The following TRABD2B variants were observed in gnomAD, a reference collection of about 807,000 sequenced individuals.
TRABD2B encodes TraB domain containing 2B, also known as metalloprotease TIKI2.
A neutral mutation model predicts 40.1 loss-of-function variants in TRABD2B; 14 were observed. The ratio of observed to expected loss-of-function variants is 0.35; its 90% CI spans 0.23 to 0.55. The LOEUF (loss-of-function observed/expected upper bound fraction) is 0.55. Among genes scored for constraint, TRABD2B ranks in the 20% least tolerant of loss-of-function variants. The pLI is 0.90. For missense variants in TRABD2B, 541 were observed against 648.6 expected (o/e 0.83, Z 1.80); for synonymous variants, 263 against 277.0 (o/e 0.95, Z 0.50).
chr1:47,858,331 C>T (rs941154374), intron 2 of TRABD2B, among the ~76,000 whole-genome samples: 1 of 151,822 alleles, frequency 6.6e-6, no homozygotes, highest in African/African-American at 2.4e-5. Context: ...AATCACAGCT[C>T]ACTGCAACCT....
chr1:47,834,559 T>C (rs1368942029), intron 2 of TRABD2B, among the ~76,000 whole-genome samples: 1 of 140,228 alleles, frequency 7.1e-6, no homozygotes, highest in Non-Finnish European at 1.5e-5. Context: ...AAGGATGTGC[T>C]CCAACACACA....
chr1:47,786,840 T>C (rs1184446762), intron 4 of TRABD2B, among the ~76,000 whole-genome samples: 1 of 152,134 alleles, frequency 6.6e-6, no homozygotes, highest in Non-Finnish European at 1.5e-5. Flanking sequence ...TCTGGGACTA[T>C]AGGCATGCAT....
At chr1:47,795,659 G>T in intron 3 of TRABD2B, 4 of 985,256 alleles carry the variant, frequency 4.1e-6, no homozygotes, top group Non-Finnish European at 3.6e-6. Context: ...GCTGTCATGG[G>T]CTACATTCAG....
In TRABD2B at chr1:47,984,391, G is replaced by C. The variant is rs182305188; in HGVS notation, c.666+9643C>G. ...GCTCTTTTAGGAAACGTGCACTTGC[G>C]CTCGCGGAGGCCAGGCCAGAGAGGC... On this transcript the variant is annotated intron_variant, in intron 2 of 6. Coordinates refer to ENST00000606738, the MANE Select transcript of TRABD2B (RefSeq NM_001194986.2). 1.2e-3 allele frequency among the ~76,000 whole-genome samples: 181 copies of C among 152,346 alleles called. 1 individual carries two copies. Among genetic ancestry groups the C allele is most frequent in the Non-Finnish European group, 2.1e-3 (142 of 68,028 alleles).
chr1:47,955,187 C>T (rs1645400771), intron 2 of TRABD2B, among the ~76,000 whole-genome samples: 1 of 152,192 alleles, frequency 6.6e-6, no homozygotes, highest in African/African-American at 2.4e-5. Flanking sequence ...TCTCCCATCT[C>T]TCCTTTCCTC....
intron 2 of TRABD2B, among the ~76,000 whole-genome samples, chr1:47,887,572 G>A (rs1644387042): frequency 6.6e-6 from 1 of 151,908 alleles, no homozygotes; most frequent in African/African-American, 2.4e-5. Flanking sequence ...AAAGTCCTGG[G>A]GTGGGGGCCG....
intron 4 of TRABD2B, among the ~76,000 whole-genome samples, chr1:47,791,740 A>G (rs1644676211): frequency 6.6e-6 from 1 of 152,208 alleles, no homozygotes; most frequent in Admixed American, 6.5e-5. Context: ...TTACATGATC[A>G]TAAGAATGTA....
chr1:47,850,131 T>C (rs1052649493), intron 2 of TRABD2B, among the ~76,000 whole-genome samples: 5 of 152,200 alleles, frequency 3.3e-5, no homozygotes, highest in African/African-American at 4.8e-5. Context: ...GGGGCCTGCA[T>C]AGGAGGTGTG....
chr1:47,799,687 T>C (rs1644794292), intron 3 of TRABD2B, among the ~76,000 whole-genome samples: 1 of 152,076 alleles, frequency 6.6e-6, no homozygotes, highest in Non-Finnish European at 1.5e-5. Flanking sequence ...CTGCAGGCTA[T>C]ACTCTCAGCA....
At chr1:47,929,782 C>G (rs1645015675) in intron 2 of TRABD2B, among the ~76,000 whole-genome samples, 1 of 152,174 alleles carries the variant, frequency 6.6e-6, no homozygotes, top group South Asian at 2.1e-4. Context: ...CACACTAAAC[C>G]TGGTGTGGAC....
chr1:47,781,512 C>T (rs1371763914), intron 4 of TRABD2B, among the ~76,000 whole-genome samples: 1 of 152,238 alleles, frequency 6.6e-6, no homozygotes, highest in African/African-American at 2.4e-5. Context: ...GTCCACGTGT[C>T]TGGCCGGCGT....
intron 2 of TRABD2B, among the ~76,000 whole-genome samples, chr1:47,825,420 A>G (rs1012164546): frequency 7.2e-5 from 11 of 152,180 alleles, no homozygotes; most frequent in African/African-American, 2.7e-4. Flanking sequence ...GAAAAGCCAA[A>G]TAACAACTCA....
intron 2 of TRABD2B, among the ~76,000 whole-genome samples, chr1:47,809,418 A>G (rs532782905): frequency 2.7e-4 from 41 of 151,900 alleles, no homozygotes; most frequent in Non-Finnish European, 5.0e-4. Flanking sequence ...CCGTCACAGG[A>G]CCCCCACCCT....
chr1:47,845,096 G>C (rs1198879560), intron 2 of TRABD2B, among the ~76,000 whole-genome samples: 1 of 152,112 alleles, frequency 6.6e-6, no homozygotes, highest in East Asian at 1.9e-4. Flanking sequence ...TCCAGACGCT[G>C]GTCAGGTGCG....
intron 2 of TRABD2B, among the ~76,000 whole-genome samples, chr1:47,988,213 G>A (rs1570422974): frequency 6.6e-6 from 1 of 152,128 alleles, no homozygotes; most frequent in Admixed American, 6.5e-5. Context: ...CAACCAAAAG[G>A]GGAAGAAAGA....
chr1:47,833,283 AG>A (rs1645274260), intron 2 of TRABD2B, among the ~76,000 whole-genome samples: 1 of 152,212 alleles, frequency 6.6e-6, no homozygotes, highest in African/African-American at 2.4e-5. Context: ...CTTAGGTAGC[AG>A]GGGAAAGGAC....
intron 2 of TRABD2B, among the ~76,000 whole-genome samples, chr1:47,844,342 T>TACG (rs1474208824): frequency 6.6e-6 from 1 of 152,178 alleles, no homozygotes; most frequent in Non-Finnish European, 1.5e-5. Flanking sequence ...CACCTTCTTA[T>TACG]ACGAGGTCCA....
At chr1:47,900,849 T>C (rs968834700) in intron 2 of TRABD2B, among the ~76,000 whole-genome samples, 2 of 152,262 alleles carry the variant, frequency 1.3e-5, no homozygotes, top group African/African-American at 2.4e-5. Context: ...CATGACACTA[T>C]TGGAGGGCCA....
chr1:47,871,645 G>A (rs1279112836), intron 2 of TRABD2B, among the ~76,000 whole-genome samples: 3 of 152,188 alleles, frequency 2.0e-5, no homozygotes, highest in African/African-American at 7.2e-5. Flanking sequence ...TGTGTTGGAG[G>A]GAGCTAACCC....
Sources: allele counts gnomAD v4.1 joint callset (sites outside exome capture counted in the v4.1 genomes callset), GRCh38; gene constraint gnomAD v4.1.1; transcripts MANE v1.5; gene names NCBI Gene and HGNC (gene_info 2026-07-23, HGNC 2026-07-21).